SCAPER: variants seen among roughly 807,000 people sequenced by gnomAD.
SCAPER encodes S phase cyclin A-associated protein in the endoplasmic reticulum.
A neutral mutation model predicts 182.2 loss-of-function variants in SCAPER; 98 were observed. The observed-to-expected ratio is 0.54, with a 90% confidence interval of 0.46 to 0.64. The LOEUF is 0.64. SCAPER is among the 30% of genes least tolerant of loss of function. The pLI is 0.00. For synonymous variants in SCAPER, 605 were observed against 564.6 expected (o/e 1.07, Z -1.01); for missense variants, 1,432 against 1,690.0 (o/e 0.85, Z 2.68).
At chr15:76,807,580 T>C (rs984901333) in intron 5 of SCAPER, among the ~76,000 whole-genome samples, 2 of 152,004 alleles carry the variant, frequency 1.3e-5, no homozygotes, top group African/African-American at 4.8e-5. Context: ...ATGTGCACAT[T>C]GTGCAGGTTA....
At chr15:76,827,150 C>G (rs1009372426) in intron 5 of SCAPER, among the ~76,000 whole-genome samples, 2 of 152,182 alleles carry the variant, frequency 1.3e-5, no homozygotes, top group Admixed American at 1.3e-4. Flanking sequence ...ATGTCCACTT[C>G]CCAACATCCC....
Position 76,599,219 on chromosome 15 carries a change from A to C in SCAPER, c.2711+22545T>G. ...ACTCTAAATAAAATTTAAAAATGCC[A>C]CTACATACCCATCTGAATGCCTAAA... is the stretch of plus-strand genomic sequence containing the variant. On this transcript the variant is annotated intron_variant, in intron 22 of 31. Transcript: ENST00000563290. Among the ~76,000 whole-genome samples the C allele has an allele frequency of 1.6e-5, 2 of 121,646 alleles. 1 individual carries two copies. The highest frequency in any genetic ancestry group is 1.9e-4 in the Admixed American group (2 of 10,720). The allele number at this position is 121,646 out of a possible 152,430, so 79.8% of individuals were successfully genotyped here.
At chr15:76,623,960 G>A (rs1567629843) in intron 21 of SCAPER, among the ~76,000 whole-genome samples, 3 of 152,076 alleles carry the variant, frequency 2.0e-5, no homozygotes, top group Non-Finnish European at 4.4e-5. Flanking sequence ...ATAGTTGATG[G>A]GCCAAAGCTG....
intron 15 of SCAPER, among the ~76,000 whole-genome samples, chr15:76,747,588 G>A (rs2061862383): frequency 6.6e-6 from 1 of 152,124 alleles, no homozygotes; most frequent in Non-Finnish European, 1.5e-5. Flanking sequence ...TTTGGGTCAT[G>A]GGAACAGATC....
intron 22 of SCAPER, among the ~76,000 whole-genome samples, chr15:76,590,892 T>G (rs2049052754): frequency 1.3e-5 from 2 of 152,192 alleles, no homozygotes; most frequent in Non-Finnish European, 2.9e-5. Context: ...TGCAGCAACA[T>G]GAGTGGAACT....
intron 5 of SCAPER, 71 bp downstream of exon 5, chr15:76,841,663 T>C: frequency 6.8e-6 from 10 of 1,465,934 alleles, no homozygotes; most frequent in South Asian, 1.3e-5. Context: ...AAAAAAAAGA[T>C]CAAGTCACAT....
At chr15:76,893,826 T>G (rs1313866624) in intron 1 of SCAPER, among the ~76,000 whole-genome samples, 1 of 151,886 alleles carries the variant, frequency 6.6e-6, no homozygotes, top group Non-Finnish European at 1.5e-5. Context: ...CAATGGGTCA[T>G]AGAAAAAAAT....
chr15:76,375,173 A>C (rs2042462759), intron 29 of SCAPER, among the ~76,000 whole-genome samples: 1 of 136,252 alleles, frequency 7.3e-6, no homozygotes, highest in Admixed American at 8.7e-5. Flanking sequence ...AGCCATGATC[A>C]TGCCACTGCA....
At chr15:76,425,586 T>A (rs761158649) in intron 26 of SCAPER, among the ~76,000 whole-genome samples, 1 of 152,212 alleles carries the variant, frequency 6.6e-6, no homozygotes. Flanking sequence ...TCTGAGAAGT[T>A]TGATTGTCTG....
At chr15:76,701,939 G>C (rs1023336305) in intron 19 of SCAPER, 74 bp from the exon 20 acceptor site, 24 of 994,064 alleles carry the variant, frequency 2.4e-5, no homozygotes, top group Non-Finnish European at 3.7e-5. Flanking sequence ...ATTCAGTCCA[G>C]TATATGATAT....
intron 29 of SCAPER, among the ~76,000 whole-genome samples, chr15:76,360,447 CTTA>C (rs2041322846): frequency 6.6e-6 from 1 of 152,198 alleles, no homozygotes; most frequent in Non-Finnish European, 1.5e-5. Flanking sequence ...TTAGCAATCT[CTTA>C]TTATTCCAAA....
chr15:76,690,557 A>ATG (rs1567810856), intron 20 of SCAPER, among the ~76,000 whole-genome samples: 1 of 152,190 alleles, frequency 6.6e-6, no homozygotes, highest in Non-Finnish European at 1.5e-5. Flanking sequence ...AATTTAACTC[A>ATG]TGTACCATGG....
At chr15:76,470,780 A>C (rs2050093257) in intron 25 of SCAPER, among the ~76,000 whole-genome samples, 1 of 152,182 alleles carries the variant, frequency 6.6e-6, no homozygotes, top group Admixed American at 6.5e-5. Flanking sequence ...TTTCTAACAT[A>C]ATCTAAATAT....
chr15:76,718,597 T>G (rs913737959), intron 17 of SCAPER, among the ~76,000 whole-genome samples: 1 of 151,078 alleles, frequency 6.6e-6, no homozygotes, highest in Non-Finnish European at 1.5e-5. Context: ...GCCAAAATCA[T>G]GCCACTTCAC....
chr15:76,532,060 T>G (rs2043722376), intron 23 of SCAPER, among the ~76,000 whole-genome samples: 1 of 152,226 alleles, frequency 6.6e-6, no homozygotes, highest in Admixed American at 6.5e-5. Context: ...TATATATTTT[T>G]TCCCCTTCTT....
intron 5 of SCAPER, among the ~76,000 whole-genome samples, chr15:76,837,553 T>A (rs1255162984): frequency 1.2e-4 from 18 of 152,214 alleles, no homozygotes; most frequent in Admixed American, 1.0e-3. Flanking sequence ...GGTAACCACC[T>A]CTGTGATTAA....
At chr15:76,800,991 G>T (rs1053370025) in intron 6 of SCAPER, among the ~76,000 whole-genome samples, 1 of 152,168 alleles carries the variant, frequency 6.6e-6, no homozygotes, top group Non-Finnish European at 1.5e-5. Flanking sequence ...ACTCCTGTGG[G>T]TATCCCTGTG....
chr15:76,459,939 A>G (rs508756), intron 25 of SCAPER, among the ~76,000 whole-genome samples: 152,286 of 152,300 alleles, frequency 1, 76,136 homozygotes, highest in Middle Eastern at 1. Context: ...TCCATTCCCC[A>G]GTGTATGTTC....
chr15:76,751,554 G>T (rs184865898), intron 15 of SCAPER, among the ~76,000 whole-genome samples: 16 of 151,654 alleles, frequency 1.1e-4, no homozygotes, highest in African/African-American at 1.7e-4. Context: ...AATAGAACAC[G>T]GGGCTAAGAA....
Sources: allele counts gnomAD v4.1 joint callset (sites outside exome capture counted in the v4.1 genomes callset), GRCh38; gene constraint gnomAD v4.1.1; transcripts MANE v1.5; gene names NCBI Gene and HGNC (gene_info 2026-07-23, HGNC 2026-07-21).